The following NEK11 variants were observed in gnomAD, a reference collection of about 807,000 sequenced individuals.
NEK11 encodes the protein serine/threonine-protein kinase Nek11.
In NEK11, 72 loss-of-function variants were observed where a neutral mutation model predicts 80.7. The observed-to-expected ratio is 0.89, with a 90% CI of 0.74 to 1.08. The LOEUF (loss-of-function observed/expected upper bound fraction) is 1.08, where lower values mean the gene tolerates loss of function less well. Ranked by LOEUF, NEK11 falls within the 50% of genes least tolerant of loss-of-function variation. The pLI is 0.00. For missense variants in NEK11, 764 were observed against 763.6 expected (o/e 1.00, Z -0.01); for synonymous variants, 251 against 260.7 (o/e 0.96, Z 0.36).
intron 16 of NEK11, among the ~76,000 whole-genome samples, chr3:131,243,825 A>T (rs1006559641): frequency 6.6e-6 from 1 of 152,104 alleles, no homozygotes; most frequent in African/African-American, 2.4e-5. Context: ...TGTCTTTTAG[A>T]AGCAGAGAGC....
At chr3:131,236,585 G>A (rs953343799) in intron 15 of NEK11, among the ~76,000 whole-genome samples, 3 of 152,172 alleles carry the variant, frequency 2.0e-5, no homozygotes, top group Non-Finnish European at 4.4e-5. Context: ...ATGTGGACAC[G>A]TTGACAGTCA....
chr3:131,067,124 T>G (rs2148877947), intron 3 of NEK11, among the ~76,000 whole-genome samples: 1 of 152,318 alleles, frequency 6.6e-6, no homozygotes, highest in African/African-American at 2.4e-5. Flanking sequence ...TTTGATTACC[T>G]CTTTAGGATA....
At chr3:131,039,353 C>T (rs2066110667) in intron 3 of NEK11, among the ~76,000 whole-genome samples, 1 of 152,200 alleles carries the variant, frequency 6.6e-6, no homozygotes, top group South Asian at 2.1e-4. Flanking sequence ...AAAACAAGCA[C>T]AACACCCTCA....
At chr3:131,251,485 T>TGTAAATTAAA (rs1417801420) in intron 16 of NEK11, among the ~76,000 whole-genome samples, 1 of 152,074 alleles carries the variant, frequency 6.6e-6, no homozygotes, top group Non-Finnish European at 1.5e-5. Flanking sequence ...AAACTAAATT[T>TGTAAATTAAA]GTAAATTAAA....
chr3:131,313,580 G>GT (rs371356812), intron 17 of NEK11, among the ~76,000 whole-genome samples: 34 of 151,950 alleles, frequency 2.2e-4, no homozygotes, highest in African/African-American at 7.7e-4. Flanking sequence ...ATGATCTTGA[G>GT]TTTTTTTTCA....
chr3:131,309,387 T>A (rs761021737), intron 17 of NEK11, among the ~76,000 whole-genome samples: 1 of 152,198 alleles, frequency 6.6e-6, no homozygotes, highest in Non-Finnish European at 1.5e-5. Context: ...AAAGTAATCA[T>A]TGGCATAGAG....
intron 4 of NEK11, among the ~76,000 whole-genome samples, chr3:131,107,267 C>A (rs2079329976): frequency 6.6e-6 from 1 of 151,850 alleles, no homozygotes; most frequent in Admixed American, 6.6e-5. Context: ...AATTTTTGTA[C>A]ATGGAGAAAA....
intron 7 of NEK11, among the ~76,000 whole-genome samples, chr3:131,141,536 G>A (rs1327551948): frequency 6.6e-6 from 1 of 152,198 alleles, no homozygotes; most frequent in Non-Finnish European, 1.5e-5. Flanking sequence ...TCAAATGTAT[G>A]TGTTTAAAAT....
At chr3:131,155,832 A>G (rs778779647) in intron 10 of NEK11, among the ~76,000 whole-genome samples, 2 of 152,112 alleles carry the variant, frequency 1.3e-5, no homozygotes, top group African/African-American at 2.4e-5. Flanking sequence ...ACCCAGTCCA[A>G]TGTTTCTCAA....
At chr3:131,225,631 C>T (rs1459061239) in intron 14 of NEK11, among the ~76,000 whole-genome samples, 1 of 152,144 alleles carries the variant, frequency 6.6e-6, no homozygotes, top group East Asian at 1.9e-4. Flanking sequence ...AGAGCTATTG[C>T]TAGAGGCTTG....
At chr3:131,119,036 T>C (rs2081886596) in intron 5 of NEK11, among the ~76,000 whole-genome samples, 1 of 152,164 alleles carries the variant, frequency 6.6e-6, no homozygotes, top group East Asian at 1.9e-4. Flanking sequence ...TGCTCTTGCT[T>C]CTCTAGTTCT....
intron 17 of NEK11, among the ~76,000 whole-genome samples, chr3:131,341,184 C>T (rs778872923): frequency 2.6e-5 from 4 of 152,146 alleles, no homozygotes; most frequent in Non-Finnish European, 5.9e-5. Context: ...TTCCAAATAT[C>T]AGAATAAATT....
At chr3:131,084,457 G>A (rs894008570) in intron 4 of NEK11, among the ~76,000 whole-genome samples, 1 of 152,222 alleles carries the variant, frequency 6.6e-6, no homozygotes, top group African/African-American at 2.4e-5. Flanking sequence ...TTACTGTGCT[G>A]ATATACCTAA....
At chr3:131,059,615 G>A (rs1284461606) in intron 3 of NEK11, among the ~76,000 whole-genome samples, 1 of 152,152 alleles carries the variant, frequency 6.6e-6, no homozygotes, top group African/African-American at 2.4e-5. Context: ...TCTACATAGT[G>A]TGAAGTATAT....
Position 131,178,047 on chromosome 3 carries a change from T to C in NEK11, c.1399+7160T>C, listed in dbSNP as rs550286192. Among the ~76,000 whole-genome samples, 5 of 152,202 alleles carry C rather than the reference T, an allele frequency of 3.3e-5. No individual in the cohort carries two copies. In the South Asian group the frequency reaches 6.2e-4, roughly 19 times the overall value. On this transcript the variant is annotated intron_variant, in intron 14 of 17. Coordinates refer to ENST00000383366, the MANE Select transcript of NEK11 (RefSeq NM_024800.5). ...CTGTCCTGCATATTGTAGGCAATTG[T>C]AACACAGTGGTAAGTATTTGTATAT... is the stretch of plus-strand genomic sequence containing the variant.
At chr3:131,343,578 G>T (rs1199722441) in intron 17 of NEK11, among the ~76,000 whole-genome samples, 1 of 152,206 alleles carries the variant, frequency 6.6e-6, no homozygotes, top group Non-Finnish European at 1.5e-5. Flanking sequence ...CACCCCAGCA[G>T]CAGGCTTCTG....
chr3:131,210,278 T>C (rs2150509538), intron 14 of NEK11, among the ~76,000 whole-genome samples: 1 of 152,344 alleles, frequency 6.6e-6, no homozygotes, highest in South Asian at 2.1e-4. Flanking sequence ...TGTAGTTGTG[T>C]GGTTTTGAGT....
chr3:131,279,710 A>G (rs965590664), intron 17 of NEK11, among the ~76,000 whole-genome samples: 18 of 152,010 alleles, frequency 1.2e-4, no homozygotes, highest in African/African-American at 4.1e-4. Flanking sequence ...AGCATCATAG[A>G]CCCCCATTGT....
At chr3:131,208,052 C>T (rs942487006) in intron 14 of NEK11, among the ~76,000 whole-genome samples, 1 of 152,116 alleles carries the variant, frequency 6.6e-6, no homozygotes, top group African/African-American at 2.4e-5. Flanking sequence ...TGCCTATGTC[C>T]TGAATGGTAA....
Sources: allele counts gnomAD v4.1 joint callset (sites outside exome capture counted in the v4.1 genomes callset), GRCh38; gene constraint gnomAD v4.1.1; transcripts MANE v1.5; gene names NCBI Gene and HGNC (gene_info 2026-07-23, HGNC 2026-07-21).